The following DRC5 variants were observed in gnomAD, a reference collection of about 807,000 sequenced individuals.
DRC5 encodes dynein regulatory complex subunit 5, also known as T-complex-associated testis-expressed protein 1.
chr6:44,282,671 G>A, the DRC5 span: 2 of 857,392 alleles, frequency 2.3e-6, no homozygotes, highest in African/African-American at 1.7e-5. Flanking sequence ...GCTGGGTCTT[G>A]GAGGGGGCCA....
At chr6:44,287,991 C>G in the DRC5 span, 2 of 798,632 alleles carry the variant, frequency 2.5e-6, no homozygotes, top group South Asian at 2.0e-5. Context: ...AGAGGTGGTA[C>G]AGAATAGTGC....
chr6:44,281,462 G>C, the DRC5 span, among the ~76,000 whole-genome samples: 1 of 152,176 alleles, frequency 6.6e-6, no homozygotes, highest in Non-Finnish European at 1.5e-5. Context: ...TCAGCTCACT[G>C]CAATCTCCGC....
At chr6:44,283,197 A>C in the DRC5 span, among the ~76,000 whole-genome samples, 1 of 152,128 alleles carries the variant, frequency 6.6e-6, no homozygotes, top group African/African-American at 2.4e-5. Flanking sequence ...GGAGGCTTAC[A>C]TTATTTCCCC....
the DRC5 span, among the ~76,000 whole-genome samples, chr6:44,290,470 T>C: frequency 1.3e-5 from 2 of 152,046 alleles, no homozygotes; most frequent in Non-Finnish European, 2.9e-5. Flanking sequence ...GCTTCTTGAG[T>C]GCTGACCTGA....
At chr6:44,281,633 C>T in the DRC5 span, among the ~76,000 whole-genome samples, 4 of 152,242 alleles carry the variant, frequency 2.6e-5, no homozygotes, top group African/African-American at 7.2e-5. Flanking sequence ...GATCTACCCA[C>T]CTCAGCCTCC....
chr6:44,281,922 G>C, the DRC5 span, among the ~76,000 whole-genome samples: 2 of 152,136 alleles, frequency 1.3e-5, no homozygotes, highest in Admixed American at 1.3e-4. Context: ...ATATGCTTAG[G>C]GTTAATATAC....
the DRC5 span, chr6:44,285,936 TG>T: frequency 3.8e-6 from 6 of 1,563,418 alleles, no homozygotes; most frequent in South Asian, 2.3e-5. Context: ...TGAGAAGGGG[TG>T]GGGGGAAGGC....
the DRC5 span, among the ~76,000 whole-genome samples, chr6:44,296,932 C>T: frequency 7.0e-6 from 1 of 143,292 alleles, no homozygotes; most frequent in African/African-American, 2.5e-5. Context: ...TCCAACTGAG[C>T]CTCGGCCCGT....
chr6:44,280,291 T>G, the DRC5 span: 1 of 1,614,166 alleles, frequency 6.2e-7, no homozygotes, highest in Non-Finnish European at 8.5e-7. Flanking sequence ...GCCTGGCCAA[T>G]GAGGTACTCG....
chr6:44,288,993 CAAAAAAAAAAAAA>C, the DRC5 span, among the ~76,000 whole-genome samples: 5 of 32,828 alleles, frequency 1.5e-4, no homozygotes, highest in Non-Finnish European at 1.8e-4. Context: ...GACTCTGTCT[CAAAAAAAAAAAAA>C]AAAAAAAAAA....
At chr6:44,287,905 A>G in the DRC5 span, 2 of 1,521,456 alleles carry the variant, frequency 1.3e-6, no homozygotes, top group Middle Eastern at 4.4e-4. Context: ...CAGGTCCTTG[A>G]AACAGGTAGG....
At chr6:44,288,478 G>T in the DRC5 span, among the ~76,000 whole-genome samples, 1 of 151,910 alleles carries the variant, frequency 6.6e-6, no homozygotes, top group South Asian at 2.1e-4. Flanking sequence ...ACATTGGACC[G>T]GCCCTCTGAG....
At chr6:44,279,874 T>C in the DRC5 span, 1 of 265,140 alleles carries the variant, frequency 3.8e-6, no homozygotes, top group Non-Finnish European at 7.2e-6. Context: ...CGGGAGAATC[T>C]GGCAGGCACA....
the DRC5 span, among the ~76,000 whole-genome samples, chr6:44,297,349 T>G: frequency 6.6e-6 from 1 of 152,146 alleles, no homozygotes; most frequent in Non-Finnish European, 1.5e-5. Flanking sequence ...ATGCCCCACT[T>G]TCCCCCTCTT....
the DRC5 span, among the ~76,000 whole-genome samples, chr6:44,283,037 C>T: frequency 3.3e-5 from 5 of 151,926 alleles, no homozygotes; most frequent in South Asian, 6.2e-4. Flanking sequence ...CTCCTGACCT[C>T]GTGATCCACC....
the DRC5 span, chr6:44,287,578 C>T: frequency 1.2e-6 from 2 of 1,613,244 alleles, no homozygotes; most frequent in Non-Finnish European, 1.7e-6. Context: ...GTGCTGAATG[C>T]AGAGCTCTGT....
chr6:44,283,563 CCT>C, the DRC5 span, among the ~76,000 whole-genome samples: 1 of 152,164 alleles, frequency 6.6e-6, no homozygotes, highest in Non-Finnish European at 1.5e-5. Flanking sequence ...TTTTTATACC[CCT>C]CTTACCCAGC....
the DRC5 span, among the ~76,000 whole-genome samples, chr6:44,281,295 T>A: frequency 3.3e-5 from 5 of 152,334 alleles, no homozygotes; most frequent in South Asian, 1.0e-3. Context: ...AGAAGCATTT[T>A]AAAAAATACA....
At chr6:44,282,061 G>A in the DRC5 span, 1 of 1,544,418 alleles carries the variant, frequency 6.5e-7, no homozygotes, top group East Asian at 2.3e-5. Context: ...AGTACCCCTG[G>A]CAGTTGGATT....
Sources: allele counts gnomAD v4.1 joint callset (sites outside exome capture counted in the v4.1 genomes callset), GRCh38; gene constraint gnomAD v4.1.1; transcripts MANE v1.5; gene names NCBI Gene and HGNC (gene_info 2026-07-23, HGNC 2026-07-21).